NTM: variants seen among roughly 807,000 people sequenced by gnomAD.
NTM encodes neurotrimin, also known as IgLON family member 2.
In NTM, 13 loss-of-function variants were observed where a neutral mutation model predicts 42.1. The ratio of observed to expected loss-of-function variants is 0.31; its 90% CI spans 0.20 to 0.49. NTM has a LOEUF of 0.49. Among genes scored for constraint, NTM ranks in the 20% least tolerant of loss-of-function variants. The probability of loss-of-function intolerance (pLI) is 0.99; values close to 1 mark genes in which losing one functional copy is unlikely to be tolerated. For missense variants in NTM, 373 were observed against 452.8 expected, an observed-to-expected ratio of 0.82 and a Z score of 1.60; for synonymous variants, 187 against 179.2, an observed-to-expected ratio of 1.04 and a Z score of -0.35.
At chr11:131,741,162 T>TGA (rs71067330) in intron 1 of NTM, among the ~76,000 whole-genome samples, 3,144 of 129,680 alleles carry the variant, frequency 0.024, 47 homozygotes, top group African/African-American at 0.048. Flanking sequence ...AAGACCCCGT[T>TGA]GAGAGAGAGA....
Position 132,146,842 on chromosome 11 carries a change from G to GT in NTM, c.400+334dup, listed in dbSNP as rs2070537866. ...TTTGTTTTTTGTTTTGTTTTGTTTT[G>GT]TTTTTTAGATTTCATCCAATTCCAA... On this transcript the variant is annotated intron_variant, in intron 3 of 8. Coordinates refer to ENST00000683400, the MANE Select transcript of NTM (RefSeq NM_001352005.2). This position sits in a 1 kb window ranked among gnomAD's most constrained non-coding sequence, Gnocchi z 4.5. The GT allele has an allele frequency of 6.0e-6, 2 of 331,264 alleles. No homozygotes were observed. Among genetic ancestry groups the GT allele is most frequent in the South Asian group, 5.0e-5 (1 of 20,118 alleles). 20.5% of individuals were successfully genotyped at this position (331,264 alleles called of 1,614,324 possible).
rs2080528881 is a variant in NTM at position 131,736,906 on chromosome 11, C to G, written c.83-174658C>G. Among the ~76,000 whole-genome samples, 4 of 152,292 alleles carry G rather than the reference C, an allele frequency of 2.6e-5. No individual in the cohort carries two copies. The South Asian group carries it at 8.3e-4, about 32-fold the overall frequency. On this transcript the variant is annotated intron_variant, in intron 1 of 8. Coordinates refer to ENST00000683400, the MANE Select transcript of NTM (RefSeq NM_001352005.2). Reference sequence around the variant, plus strand: ...ATCACATTTGCACATGTTATTGTCACATACGTTTACTTTAAAACATGCCAT... The same window carrying G: ...ATCACATTTGCACATGTTATTGTCAGATACGTTTACTTTAAAACATGCCAT...
chr11:132,269,414 C>A (rs571681935), intron 4 of NTM, among the ~76,000 whole-genome samples: 1 of 152,302 alleles, frequency 6.6e-6, no homozygotes, highest in African/African-American at 2.4e-5. Flanking sequence ...GTCTATCCCA[C>A]TAAAATGGGC....
intron 1 of NTM, chr11:131,546,759 G>A (rs1175022139): frequency 6.6e-6 from 1 of 152,210 alleles, no homozygotes; most frequent in Non-Finnish European, 1.5e-5. Context: ...AGTGACCCTA[G>A]GAGGGAATGA....
chr11:131,921,642 C>G (rs566798691), intron 2 of NTM, among the ~76,000 whole-genome samples: 5 of 152,086 alleles, frequency 3.3e-5, no homozygotes, highest in Admixed American at 3.3e-4. Flanking sequence ...TGCAAAGGAT[C>G]GTAGATAGGC....
At chr11:132,063,270 T>A (rs908955580) in intron 2 of NTM, among the ~76,000 whole-genome samples, 68 of 152,292 alleles carry the variant, frequency 4.5e-4, no homozygotes, top group Middle Eastern at 3.4e-3. Flanking sequence ...GAGATTAAAT[T>A]TCAATGCATG....
chr11:131,782,719 T>C (rs984857133), intron 1 of NTM, among the ~76,000 whole-genome samples: 1 of 152,178 alleles, frequency 6.6e-6, no homozygotes, highest in Non-Finnish European at 1.5e-5. Flanking sequence ...TATAACTGTA[T>C]ATTAATAAAA....
chr11:132,154,068 C>T (rs4397866), intron 3 of NTM, among the ~76,000 whole-genome samples: 3 of 152,070 alleles, frequency 2.0e-5, no homozygotes, highest in Non-Finnish European at 2.9e-5. Flanking sequence ...TTGTGTTGGA[C>T]GAAGAGTGAG....
intron 3 of NTM, among the ~76,000 whole-genome samples, chr11:132,147,461 G>A (rs1450922111): frequency 6.6e-6 from 1 of 152,120 alleles, no homozygotes; most frequent in Non-Finnish European, 1.5e-5. Flanking sequence ...GGGGGTCAAC[G>A]TGAGGATTGA....
At chr11:131,781,095 T>TGC (rs2088017774) in intron 1 of NTM, among the ~76,000 whole-genome samples, 1 of 151,998 alleles carries the variant, frequency 6.6e-6, no homozygotes, top group Non-Finnish European at 1.5e-5. Flanking sequence ...AGAGATAAAA[T>TGC]AGAAAATGAT....
intron 1 of NTM, among the ~76,000 whole-genome samples, chr11:131,609,616 G>A (rs1002483605): frequency 3.9e-5 from 6 of 152,232 alleles, no homozygotes; most frequent in Non-Finnish European, 5.9e-5. Context: ...ACTGTGGTTT[G>A]CATTTGAGCT....
intron 1 of NTM, among the ~76,000 whole-genome samples, chr11:131,451,493 G>T (rs751753843): frequency 1.8e-4 from 27 of 152,198 alleles, no homozygotes; most frequent in Admixed American, 1.2e-3. Flanking sequence ...GAGACTGGGG[G>T]TGCAGCTGGA....
intron 1 of NTM, among the ~76,000 whole-genome samples, chr11:131,514,232 G>A (rs1188952942): frequency 6.6e-6 from 1 of 152,162 alleles, no homozygotes. Context: ...TCTCTGGCTA[G>A]GCCCTTGACT....
intron 1 of NTM, among the ~76,000 whole-genome samples, chr11:131,435,422 G>T (rs1949042695): frequency 6.6e-6 from 1 of 152,188 alleles, no homozygotes. Flanking sequence ...CTATCCATGA[G>T]CATGGAATGT....
At chr11:131,720,137 G>C (rs1468460951) in intron 1 of NTM, among the ~76,000 whole-genome samples, 1 of 152,164 alleles carries the variant, frequency 6.6e-6, no homozygotes, top group African/African-American at 2.4e-5. Context: ...CTTTTACAAA[G>C]CAATTGAAAA....
chr11:132,227,153 G>A (rs1322529388), intron 4 of NTM, among the ~76,000 whole-genome samples: 3 of 152,178 alleles, frequency 2.0e-5, no homozygotes, highest in Non-Finnish European at 4.4e-5. Flanking sequence ...CAATAGTCCA[G>A]TGTCAGGAAA....
intron 1 of NTM, among the ~76,000 whole-genome samples, chr11:131,540,216 G>C (rs1490477978): frequency 2.2e-5 from 3 of 134,482 alleles, no homozygotes; most frequent in Non-Finnish European, 4.6e-5. Flanking sequence ...CCAGGAAGGA[G>C]TGCAGTGGCA....
chr11:132,131,492 C>T (rs2066814509), intron 2 of NTM, among the ~76,000 whole-genome samples: 1 of 152,120 alleles, frequency 6.6e-6, no homozygotes, highest in Non-Finnish European at 1.5e-5. Flanking sequence ...ATGATGGAAC[C>T]CTACGAAAGT....
intron 2 of NTM, among the ~76,000 whole-genome samples, chr11:132,034,599 C>T (rs1156921620): frequency 6.6e-6 from 1 of 152,214 alleles, no homozygotes; most frequent in Non-Finnish European, 1.5e-5. Context: ...TGGATGGTAA[C>T]TCTGTCGTGT....
Sources: allele counts gnomAD v4.1 joint callset (sites outside exome capture counted in the v4.1 genomes callset), GRCh38; gene constraint gnomAD v4.1.1; non-coding constraint Gnocchi (gnomAD v3.1); transcripts MANE v1.5; gene names NCBI Gene and HGNC (gene_info 2026-07-23, HGNC 2026-07-21).